The following UNC13C variants were observed in gnomAD, a reference collection of about 807,000 sequenced individuals.
UNC13C encodes the protein protein unc-13 homolog C.
Under a neutral mutation model 245.4 loss-of-function variants are expected in UNC13C, and 174 were observed. The observed-to-expected ratio is 0.71, with a 90% CI of 0.63 to 0.80. The LOEUF (loss-of-function observed/expected upper bound fraction) is 0.80. UNC13C is among the 30% of genes least tolerant of loss of function. The pLI is 0.00. For missense variants in UNC13C, 2,829 were observed against 2,602.9 expected, an observed-to-expected ratio of 1.09 and a Z score of -1.89; for synonymous variants, 992 against 895.1, an observed-to-expected ratio of 1.11 and a Z score of -1.93.
At chr15:54,123,030 T>C (rs1230673188) in intron 2 of UNC13C, among the ~76,000 whole-genome samples, 1 of 152,058 alleles carries the variant, frequency 6.6e-6, no homozygotes, top group Non-Finnish European at 1.5e-5. Context: ...CTACCCTGTT[T>C]CTAAAGTGAT....
intron 11 of UNC13C, among the ~76,000 whole-genome samples, chr15:54,294,968 A>C (rs2037391137): frequency 6.6e-6 from 1 of 152,248 alleles, no homozygotes; most frequent in South Asian, 2.1e-4. Context: ...AGATTATAGA[A>C]TAATTCAATG....
chr15:54,086,775 G>A (rs563291212), intron 2 of UNC13C, among the ~76,000 whole-genome samples: 21 of 107,326 alleles, frequency 2.0e-4, no homozygotes, highest in Middle Eastern at 9.1e-3. Flanking sequence ...TCTCACAGTC[G>A]CCCAGGCTGG....
intron 4 of UNC13C, among the ~76,000 whole-genome samples, chr15:54,220,474 A>T (rs1340273730): frequency 1.3e-5 from 2 of 150,402 alleles, no homozygotes; most frequent in East Asian, 2.0e-4. Flanking sequence ...GAGGGATAGC[A>T]TTAGGAGATA....
intron 1 of UNC13C, among the ~76,000 whole-genome samples, chr15:54,004,846 A>G (rs1895066501): frequency 6.6e-6 from 1 of 152,140 alleles, no homozygotes; most frequent in African/African-American, 2.4e-5. Flanking sequence ...CCATTTTTAA[A>G]TTGGATTATT....
At chr15:54,090,200 A>G (rs1330205644) in intron 2 of UNC13C, among the ~76,000 whole-genome samples, 3 of 152,172 alleles carry the variant, frequency 2.0e-5, no homozygotes, top group Non-Finnish European at 1.5e-5. Context: ...TATTCTGTAT[A>G]GACCTCCTCT....
chr15:54,151,169 G>A (rs2032498179), intron 4 of UNC13C, among the ~76,000 whole-genome samples: 1 of 152,106 alleles, frequency 6.6e-6, no homozygotes. Context: ...CCATCTTCGG[G>A]TAATATTAGA....
chr15:54,095,165 G>A (rs1899787958), intron 2 of UNC13C, among the ~76,000 whole-genome samples: 1 of 152,174 alleles, frequency 6.6e-6, no homozygotes, highest in Non-Finnish European at 1.5e-5. Flanking sequence ...CCAGCAGGCA[G>A]ACAGTTACAG....
chr15:54,074,690 G>A (rs1425595193), intron 2 of UNC13C, among the ~76,000 whole-genome samples: 2 of 152,128 alleles, frequency 1.3e-5, no homozygotes, highest in African/African-American at 2.4e-5. Context: ...TATTATTGGT[G>A]TACAGGAATG....
chr15:53,845,396 C>T, the UNC13C span, among the ~76,000 whole-genome samples: 1 of 151,470 alleles, frequency 6.6e-6, no homozygotes, highest in Admixed American at 6.6e-5. Context: ...AGAAGTAGAT[C>T]AAAAAGAATA....
intron 2 of UNC13C, among the ~76,000 whole-genome samples, chr15:54,033,897 A>G (rs892522279): frequency 3.9e-5 from 6 of 152,204 alleles, no homozygotes; most frequent in African/African-American, 1.2e-4. Context: ...TGCAAAAGCA[A>G]TGAGCTCTCT....
At chr15:54,601,677 G>A (rs1417979991) in intron 30 of UNC13C, among the ~76,000 whole-genome samples, 1 of 152,008 alleles carries the variant, frequency 6.6e-6, no homozygotes, top group East Asian at 1.9e-4. Context: ...TTCCCTTTGG[G>A]GACCTGGTTG....
At chr15:54,175,456 A>G (rs1262895883) in intron 4 of UNC13C, among the ~76,000 whole-genome samples, 1 of 151,614 alleles carries the variant, frequency 6.6e-6, no homozygotes, top group African/African-American at 2.4e-5. Context: ...TCCTCTTTCC[A>G]GTAGGAAAAG....
intron 2 of UNC13C, among the ~76,000 whole-genome samples, chr15:54,065,181 G>C (rs1009409385): frequency 6.6e-6 from 1 of 152,116 alleles, no homozygotes; most frequent in Non-Finnish European, 1.5e-5. Context: ...TAAACACCAG[G>C]TAAAGTCAGA....
intron 19 of UNC13C, among the ~76,000 whole-genome samples, chr15:54,490,951 A>T (rs1313632587): frequency 6.6e-6 from 1 of 152,196 alleles, no homozygotes; most frequent in Non-Finnish European, 1.5e-5. Context: ...AGCTAAATTC[A>T]TCTCCTCCAG....
chr15:54,313,016 A>T (rs1249711449), intron 13 of UNC13C, among the ~76,000 whole-genome samples: 1 of 151,640 alleles, frequency 6.6e-6, no homozygotes, highest in Non-Finnish European at 1.5e-5. Flanking sequence ...TTTCCATGGG[A>T]TGCTTAGAGG....
intron 2 of UNC13C, among the ~76,000 whole-genome samples, chr15:54,117,690 C>A (rs1289633721): frequency 2.6e-5 from 4 of 152,042 alleles, no homozygotes; most frequent in African/African-American, 9.7e-5. Flanking sequence ...AAGTGAGTCT[C>A]CTGCCTCTGC....
At chr15:54,392,043 C>CT (rs2039969523) in intron 17 of UNC13C, among the ~76,000 whole-genome samples, 1 of 151,950 alleles carries the variant, frequency 6.6e-6, no homozygotes, top group Non-Finnish European at 1.5e-5. Context: ...GTTTCTGGAG[C>CT]CATAAGTTGA....
At chr15:53,875,597 T>C in the UNC13C span, among the ~76,000 whole-genome samples, 1,050 of 152,254 alleles carry the variant, frequency 6.9e-3, 8 homozygotes, top group African/African-American at 0.024. Flanking sequence ...TGATGGGAAC[T>C]GCATTTGAGG....
chr15:54,491,171 T>C (rs1034631478), intron 19 of UNC13C, among the ~76,000 whole-genome samples: 1 of 152,238 alleles, frequency 6.6e-6, no homozygotes, highest in Non-Finnish European at 1.5e-5. Context: ...AGTTGCTTTT[T>C]TCTTTAGCAT....
Sources: gnomAD v4.1 joint callset for allele counts (sites outside exome capture counted in the v4.1 genomes callset) on GRCh38, gnomAD v4.1.1 for gene constraint, MANE v1.5 for transcripts, NCBI Gene and HGNC (gene_info 2026-07-23, HGNC 2026-07-21) for gene names.